The following SETD2 variants were observed in gnomAD, a reference collection of about 807,000 sequenced individuals.
The protein encoded by SETD2 is histone-lysine N-methyltransferase SETD2.
Under a neutral mutation model 242.1 loss-of-function variants are expected in SETD2, and 31 were observed. That is an observed-to-expected ratio of 0.13 (90% confidence interval 0.10 to 0.17). SETD2 has a LOEUF of 0.17. SETD2 is among the 10% of genes least tolerant of loss of function. The probability of loss-of-function intolerance (pLI) is 1.00; values close to 1 mark genes in which losing one functional copy is unlikely to be tolerated. For synonymous variants in SETD2, 1,006 were observed against 1,066.5 expected (o/e 0.94, Z 1.11); for missense variants, 2,481 against 3,046.3 (o/e 0.81, Z 4.37).
intron 19 of SETD2, 50 bp downstream of exon 19, chr3:47,019,710 G>T: frequency 1.4e-6 from 2 of 1,456,008 alleles, no homozygotes; most frequent in South Asian, 1.1e-5. Context: ...AAATGAAAGG[G>T]TTCAGATTTA....
chr3:47,034,758 C>G (rs2038927395), intron 18 of SETD2, among the ~76,000 whole-genome samples: 1 of 152,172 alleles, frequency 6.6e-6, no homozygotes, highest in Non-Finnish European at 1.5e-5. Context: ...CAAACCTTAC[C>G]TTCCTATGAC....
At chr3:47,126,735 TAA>T (rs1559753447) in intron 1 of SETD2, 72 bp from the exon 2 acceptor site, 2 of 893,538 alleles carry the variant, frequency 2.2e-6, no homozygotes, top group Non-Finnish European at 1.8e-6. Context: ...ACGATTGAAA[TAA>T]TAGTTATTTG....
Position 47,086,228 on chromosome 3 carries a change from G to T in SETD2, c.5364C>A (p.Asp1788Glu). The T allele has an allele frequency of 6.2e-7, 1 of 1,613,000 alleles. No individual in the cohort carries two copies. Among genetic ancestry groups the T allele is most frequent in the Non-Finnish European group, 8.5e-7 (1 of 1,179,294 alleles). Residue 1788 changes from aspartate to glutamate, a missense_variant, in exon 11 of 21, where the codon GAC becomes GAA. Physicochemically the swap from Asp to Glu is conservative, Grantham distance 45. Coordinates refer to ENST00000409792, the MANE Select transcript of SETD2 (RefSeq NM_014159.7). Reference sequence around the variant, plus strand: ...GAAGCTTCTGGTTACTTTCCCGGCCGTCACCTAGCTCTGCCATCCAGATCC... The same window carrying T: ...GAAGCTTCTGGTTACTTTCCCGGCCTTCACCTAGCTCTGCCATCCAGATCC... ...LLWIWMAELG[D>E]GRESNQKLQE...
At chr3:47,071,796 C>T (rs1485404851) in intron 12 of SETD2, among the ~76,000 whole-genome samples, 1 of 152,070 alleles carries the variant, frequency 6.6e-6, no homozygotes, top group East Asian at 1.9e-4. Flanking sequence ...ACTACCAGGT[C>T]ACATGGCTTA....
In SETD2 at chr3:47,056,959, T is replaced by G. The variant is rs748416761; in HGVS notation, c.6825A>C (p.Ser2275=). ...VQGQNYSVWD[S]NQQSVSVQQQ... ...GCTGTACACTGACAGACTGTTGGTT[T>G]GAATCCCAAACACTATAATTCTGTC... Residue 2275 remains serine, a synonymous_variant, in exon 15 of 21, where the codon TCA becomes TCC. Coordinates refer to ENST00000409792, the MANE Select transcript of SETD2 (RefSeq NM_014159.7). 1.9e-6 allele frequency: 3 copies of G among 1,614,264 alleles called. No individual in the cohort carries two copies. The highest frequency in any genetic ancestry group is 1.7e-5 in the Admixed American group (1 of 60,028).
At chr3:47,045,343 C>A (rs373386236) in intron 16 of SETD2, among the ~76,000 whole-genome samples, 3 of 151,930 alleles carry the variant, frequency 2.0e-5, no homozygotes, top group Non-Finnish European at 4.4e-5. Context: ...CACAGCGAAA[C>A]CCCGTCTCTA....
chr3:47,087,367 T>C (rs1387500782), intron 10 of SETD2, among the ~76,000 whole-genome samples: 1 of 152,186 alleles, frequency 6.6e-6, no homozygotes, highest in African/African-American at 2.4e-5. Context: ...GATGAAACTG[T>C]TCCACCTCAA....
intron 18 of SETD2, among the ~76,000 whole-genome samples, chr3:47,031,945 G>A (rs1336667652): frequency 6.6e-6 from 1 of 152,064 alleles, no homozygotes; most frequent in African/African-American, 2.4e-5. Context: ...AAGCAATTCA[G>A]TTAAGAGTGG....
chr3:47,031,783 G>T (rs575341921), intron 18 of SETD2, among the ~76,000 whole-genome samples: 2 of 152,140 alleles, frequency 1.3e-5, no homozygotes, highest in South Asian at 2.1e-4. Context: ...ATTCGTATGG[G>T]TTATAGCTAT....
chr3:47,032,372 T>C (rs1322534231), intron 18 of SETD2, among the ~76,000 whole-genome samples: 4 of 151,858 alleles, frequency 2.6e-5, no homozygotes, highest in African/African-American at 9.7e-5. Flanking sequence ...AAAACTTAGC[T>C]ACTTGGGTGG....
At position 47,122,764 on chromosome 3, in the gene SETD2, T is replaced by C. The variant is rs2106686812; in HGVS notation, c.1872A>G (p.Ser624=). 1 of 1,610,758 alleles carries C rather than the reference T, an allele frequency of 6.2e-7. No individual in the cohort carries two copies. The change falls in exon 3 of 21, where the codon TCA becomes TCG. Residue 624 remains serine, a synonymous_variant. Transcript: ENST00000409792. ...SPAPSNRLND[S]PTLKKLDELP... is the part of the protein sequence containing the mutation. The stretch of plus-strand genomic sequence containing the variant: ...ATTCATCTAGCTTTTTTAAAGTAGG[T>C]GAATCATTTAATCGATTTGATGGAG...
chr3:47,050,833 C>T (rs1282152528), intron 15 of SETD2, among the ~76,000 whole-genome samples: 1 of 142,322 alleles, frequency 7.0e-6, no homozygotes, highest in African/African-American at 2.7e-5. Flanking sequence ...TGTGTTCAAG[C>T]AATTCTCCTG....
chr3:47,086,102 C>T, intron 11 of SETD2, 93 bp downstream of exon 11: 11 of 1,405,084 alleles, frequency 7.8e-6, no homozygotes, highest in Admixed American at 1.8e-5. Flanking sequence ...TGATACAGTG[C>T]TAAATTCATA....
chr3:47,160,467 A>ATT (rs3036093), intron 1 of SETD2, among the ~76,000 whole-genome samples: 5,612 of 142,764 alleles, frequency 0.039, 393 homozygotes, highest in African/African-American at 0.13. Flanking sequence ...CACCAGACTA[A>ATT]TTTTTTTTTT....
chr3:47,074,603 T>C (rs2040968972), intron 12 of SETD2, among the ~76,000 whole-genome samples: 1 of 152,180 alleles, frequency 6.6e-6, no homozygotes, highest in Admixed American at 6.5e-5. Flanking sequence ...CACCTTCTTT[T>C]CTAGCCTTAC....
At chr3:47,037,197 G>A (rs1377494980) in intron 18 of SETD2, among the ~76,000 whole-genome samples, 1 of 148,780 alleles carries the variant, frequency 6.7e-6, no homozygotes, top group African/African-American at 2.5e-5. Context: ...TGTTACATAT[G>A]TATACATGTG....
intron 12 of SETD2, among the ~76,000 whole-genome samples, chr3:47,069,449 CCAGA>C (rs746664372): frequency 2.8e-4 from 43 of 152,276 alleles, no homozygotes; most frequent in South Asian, 8.3e-4. Context: ...AAATACCACC[CCAGA>C]CAAAGTGAAT....
At position 47,120,722 on chromosome 3, in the gene SETD2, T is replaced by G; in HGVS notation, c.3914A>C (p.Tyr1305Ser). The change falls in exon 3 of 21, where the codon TAC becomes TCC. Residue 1305 changes from tyrosine to serine, a missense_variant. Physicochemically the swap from Tyr to Ser is moderately radical, Grantham distance 144 (BLOSUM62 -2). Transcript: ENST00000409792. Reference sequence around the variant, plus strand: ...AGGTCTACCTGATCTTGGATCCCAGTAACCATTGCCTTGCCAGTAATCACG... The same window carrying G: ...AGGTCTACCTGATCTTGGATCCCAGGAACCATTGCCTTGCCAGTAATCACG... ...GTRDYWQGNG[Y>S]WDPRSGRPPG... The G allele has an allele frequency of 6.2e-7, 1 of 1,614,212 alleles. No homozygotes were observed. Among genetic ancestry groups the G allele is most frequent in the Non-Finnish European group, 8.5e-7 (1 of 1,180,032 alleles).
At chr3:47,161,494 C>T (rs1286965304) in intron 1 of SETD2, among the ~76,000 whole-genome samples, 1 of 152,112 alleles carries the variant, frequency 6.6e-6, no homozygotes, top group African/African-American at 2.4e-5. Flanking sequence ...ACTTCTCTAG[C>T]CTTCATTTTC....
Sources: gnomAD v4.1 joint callset for allele counts (sites outside exome capture counted in the v4.1 genomes callset) on GRCh38, gnomAD v4.1.1 for gene constraint, MANE v1.5 for transcripts, NCBI Gene and HGNC (gene_info 2026-07-23, HGNC 2026-07-21) for gene names.